Variants in OXR1 observed in about 807,000 individuals in gnomAD.
OXR1 encodes oxidation resistance protein 1.
In OXR1, 41 loss-of-function variants were observed where a neutral mutation model predicts 104.6. The ratio of observed to expected loss-of-function variants is 0.39; its 90% CI spans 0.31 to 0.51. The LOEUF (loss-of-function observed/expected upper bound fraction) is 0.51, where lower values mean the gene tolerates loss of function less well. Among genes scored for constraint, OXR1 ranks in the 20% least tolerant of loss-of-function variants. The probability of loss-of-function intolerance (pLI) is 0.77; values close to 1 mark genes in which losing one functional copy is unlikely to be tolerated. For missense variants in OXR1, 955 were observed against 1,031.9 expected, an observed-to-expected ratio of 0.93 and a Z score of 1.02; for synonymous variants, 348 against 348.4, an observed-to-expected ratio of 1.00 and a Z score of 0.01.
chr8:106,453,767 T>C (rs1388300369), intron 2 of OXR1, among the ~76,000 whole-genome samples: 1 of 152,250 alleles, frequency 6.6e-6, no homozygotes, highest in Non-Finnish European at 1.5e-5. Flanking sequence ...ATGTGAGACA[T>C]TGTCATGTTT....
At chr8:106,293,013 T>C (rs1163352601) in intron 1 of OXR1, among the ~76,000 whole-genome samples, 1 of 152,174 alleles carries the variant, frequency 6.6e-6, no homozygotes, top group Non-Finnish European at 1.5e-5. Flanking sequence ...GCTTGGACTA[T>C]GATTATAGCA....
chr8:106,469,486 C>T (rs574188098), intron 2 of OXR1, among the ~76,000 whole-genome samples: 5 of 151,884 alleles, frequency 3.3e-5, no homozygotes, highest in Non-Finnish European at 4.4e-5. Flanking sequence ...AGAGCATGTA[C>T]AGTATTGGCT....
chr8:106,626,348 C>A (rs1822162676), intron 3 of OXR1, among the ~76,000 whole-genome samples: 1 of 150,882 alleles, frequency 6.6e-6, no homozygotes, highest in South Asian at 2.1e-4. Flanking sequence ...AAAAAAAAGT[C>A]TTTCCTGTTT....
chr8:106,519,148 C>A lies in OXR1; in HGVS notation c.220+9C>A. ...GAGGTTCTACACAATTGGTGAGCAC[C>A]AGATGTTTTATGCAAGTGAATAGAT... On this transcript the variant is annotated intron_variant, in intron 3 of 16. Coordinates refer to ENST00000517566, the MANE Select transcript of OXR1 (RefSeq NM_001198533.2). The A allele has an allele frequency of 6.5e-7, 1 of 1,540,632 alleles. No homozygotes were observed. The highest frequency in any genetic ancestry group is 2.0e-5 in the Admixed American group (1 of 50,758).
intron 3 of OXR1, among the ~76,000 whole-genome samples, chr8:106,672,807 A>G (rs1251624606): frequency 6.6e-6 from 1 of 152,066 alleles, no homozygotes; most frequent in Admixed American, 6.6e-5. Context: ...TAAGTGTTTG[A>G]TAATTCCTCC....
intron 7 of OXR1, chr8:106,697,373 A>G (rs1438990574): frequency 9.3e-6 from 11 of 1,177,990 alleles, no homozygotes; most frequent in Admixed American, 8.6e-5. Context: ...ATATATATCT[A>G]CATGTATATT....
rs184432591 is a variant in OXR1 at position 106,741,624 on chromosome 8, A to G, written c.2317-598A>G. 4.6e-5 allele frequency among the ~76,000 whole-genome samples: 7 copies of G among 152,186 alleles called. No individual in the cohort carries two copies. In the East Asian group the frequency reaches 9.7e-4, roughly 21 times the overall value. ...ACAGATTATCTGTCAGACTCTCTGC[A>G]CTCCCATTTCTGATGTGGAAACTTC... On this transcript the variant is annotated intron_variant, in intron 14 of 16. Coordinates refer to ENST00000517566, the MANE Select transcript of OXR1 (RefSeq NM_001198533.2).
chr8:106,499,726 G>A (rs937322214), intron 2 of OXR1, among the ~76,000 whole-genome samples: 3 of 151,976 alleles, frequency 2.0e-5, no homozygotes, highest in African/African-American at 7.3e-5. Context: ...TTCATGTCAC[G>A]GGAGAAAGGA....
rs112505702 is a variant in OXR1 at position 106,593,636 on chromosome 8, G to A, written c.220+74497G>A. 7.1e-3 allele frequency among the ~76,000 whole-genome samples: 1,074 copies of A among 152,254 alleles called. 13 individuals are homozygous for A. The highest frequency in any genetic ancestry group is 0.024 in the African/African-American group (996 of 41,548). On this transcript the variant is annotated intron_variant, in intron 3 of 16. Coordinates refer to ENST00000517566, the MANE Select transcript of OXR1 (RefSeq NM_001198533.2). ...TGCTAAAATACAAAAAATTAGCCGG[G>A]TGTGGTGGCAGGCGCCTGTGGTCCC...
chr8:106,394,227 G>A (rs1817690009), intron 2 of OXR1, among the ~76,000 whole-genome samples: 1 of 150,278 alleles, frequency 6.7e-6, no homozygotes, highest in Admixed American at 6.6e-5. Context: ...TGCCCTTTTT[G>A]AAAGATGAAA....
chr8:106,695,126 T>C (rs1829879310), intron 7 of OXR1, among the ~76,000 whole-genome samples: 1 of 150,708 alleles, frequency 6.6e-6, no homozygotes, highest in Non-Finnish European at 1.5e-5. Context: ...TTCTACATGT[T>C]ATAAACACAA....
chr8:106,350,209 A>G (rs916802014), intron 1 of OXR1, among the ~76,000 whole-genome samples: 5 of 152,170 alleles, frequency 3.3e-5, no homozygotes, highest in Admixed American at 2.0e-4. Context: ...ACGCACAGGG[A>G]CAAAAGTTGT....
At chr8:106,684,984 A>C (rs1828552738) in intron 6 of OXR1, among the ~76,000 whole-genome samples, 2 of 152,172 alleles carry the variant, frequency 1.3e-5, no homozygotes, top group East Asian at 1.9e-4. Flanking sequence ...ATTATTAATA[A>C]CTATTTTTCT....
At chr8:106,353,317 C>A (rs1815815199) in intron 1 of OXR1, among the ~76,000 whole-genome samples, 1 of 151,918 alleles carries the variant, frequency 6.6e-6, no homozygotes, top group Non-Finnish European at 1.5e-5. Flanking sequence ...CCACTGTACT[C>A]CAGCCTGGGC....
intron 1 of OXR1, among the ~76,000 whole-genome samples, chr8:106,311,843 C>T (rs1051632824): frequency 2.6e-5 from 4 of 152,148 alleles, no homozygotes; most frequent in African/African-American, 7.2e-5. Context: ...GCTTCATCTG[C>T]TCTGCTAAGT....
At chr8:106,631,678 A>G (rs1228043724) in intron 3 of OXR1, among the ~76,000 whole-genome samples, 4 of 152,176 alleles carry the variant, frequency 2.6e-5, no homozygotes, top group Admixed American at 2.0e-4. Flanking sequence ...ATTTCACTTC[A>G]CAGATATTTA....
chr8:106,615,091 G>C (rs1462435749), intron 3 of OXR1, among the ~76,000 whole-genome samples: 2 of 152,136 alleles, frequency 1.3e-5, no homozygotes, highest in Non-Finnish European at 2.9e-5. Context: ...GGCCAAGGCT[G>C]GTGGATCACT....
At chr8:106,307,018 CAGG>C (rs966489928) in intron 1 of OXR1, among the ~76,000 whole-genome samples, 15 of 152,264 alleles carry the variant, frequency 9.9e-5, no homozygotes, top group African/African-American at 3.4e-4. Flanking sequence ...CCTTACCTAG[CAGG>C]AGAAGGGGAT....
chr8:106,728,872 A>G (rs1191184903), intron 11 of OXR1, among the ~76,000 whole-genome samples: 1 of 152,148 alleles, frequency 6.6e-6, no homozygotes, highest in African/African-American at 2.4e-5. Flanking sequence ...AGTAGTCACT[A>G]ATTTCATCAC....
Sources: allele counts gnomAD v4.1 joint callset (sites outside exome capture counted in the v4.1 genomes callset), GRCh38; gene constraint gnomAD v4.1.1; transcripts MANE v1.5; gene names NCBI Gene and HGNC (gene_info 2026-07-23, HGNC 2026-07-21).